The following DPP4 variants were observed in gnomAD, a reference collection of about 807,000 sequenced individuals.
DPP4 encodes the protein ADCP-2.
DPP4 carries 93 observed loss-of-function variants against 122.4 expected under a neutral mutation model. The ratio of observed to expected loss-of-function variants is 0.76; its 90% confidence interval spans 0.64 to 0.90. The LOEUF (loss-of-function observed/expected upper bound fraction) is 0.90. Among genes scored for constraint, DPP4 ranks in the 40% least tolerant of loss-of-function variants. DPP4 has a pLI of 0.00. For synonymous variants in DPP4, 321 were observed against 302.9 expected (o/e 1.06, Z -0.62); for missense variants, 914 against 907.3 (o/e 1.01, Z -0.09).
At chr2:161,995,394 T>A (rs200048173) in intron 23 of DPP4, 22 bp from the exon 24 acceptor site, 3 of 1,600,806 alleles carry the variant, frequency 1.9e-6, no homozygotes, top group African/African-American at 1.3e-5. Context: ...AGAAAGAATG[T>A]CATTATTCAA....
At position 162,060,253 on chromosome 2, in the gene DPP4, G is replaced by A. The variant is rs1047909450; in HGVS notation, c.95-12752C>T. Among the ~76,000 whole-genome samples the A allele has an allele frequency of 3.9e-5, 6 of 152,290 alleles. No homozygotes were observed. The South Asian group carries it at 1.2e-3, about 32-fold the overall frequency. ...TGCAACTATTTTAAATAAGCAGGTTGGTAGTATCCTTAGGACTTGGGTCAG... is the reference window on the plus strand; with the variant it reads ...TGCAACTATTTTAAATAAGCAGGTTAGTAGTATCCTTAGGACTTGGGTCAG... On this transcript the variant is annotated intron_variant, in intron 2 of 25. Transcript: ENST00000360534.
intron 5 of DPP4, among the ~76,000 whole-genome samples, chr2:162,042,837 T>C (rs1684034341): frequency 6.6e-6 from 1 of 152,034 alleles, no homozygotes; most frequent in African/African-American, 2.4e-5. Flanking sequence ...AAGAAATCAA[T>C]GACAAAATAT....
chr2:162,073,298 G>T lies in DPP4; in HGVS notation c.94+101C>A. On this transcript the variant is annotated intron_variant, in intron 2 of 25. Transcript: ENST00000360534. ...CTTCTCAGCTACACTTCGGGGCACTGGTCCAACCCCACGCAAAATCCCTCG... is the reference window on the plus strand; with the variant it reads ...CTTCTCAGCTACACTTCGGGGCACTTGTCCAACCCCACGCAAAATCCCTCG... The T allele has an allele frequency of 5.8e-6, 7 of 1,214,140 alleles. No individual in the cohort carries two copies. The South Asian group carries it at 8.8e-5, about 15-fold the overall frequency. The allele number at this position is 1,214,140 out of a possible 1,614,324, so 75.2% of individuals were successfully genotyped here.
chr2:162,051,024 C>A (rs1176090500), intron 2 of DPP4, among the ~76,000 whole-genome samples: 1 of 152,166 alleles, frequency 6.6e-6, no homozygotes, highest in African/African-American at 2.4e-5. Context: ...TGTTACCCAT[C>A]AGCTTATACA....
intron 5 of DPP4, among the ~76,000 whole-genome samples, chr2:162,040,062 A>T (rs1447224245): frequency 6.6e-6 from 1 of 152,088 alleles, no homozygotes; most frequent in Non-Finnish European, 1.5e-5. Context: ...AGAGAAAAGC[A>T]AAAAATTTCT....
chr2:162,048,509 A>T (rs779593098), intron 2 of DPP4, among the ~76,000 whole-genome samples: 6 of 152,110 alleles, frequency 3.9e-5, no homozygotes, highest in Non-Finnish European at 1.5e-5. Flanking sequence ...ACAGCCCTCC[A>T]CGACCGACAC....
At chr2:162,020,713 A>G (rs1683094565) in intron 12 of DPP4, 25 bp from the exon 13 acceptor site, 1 of 1,553,038 alleles carries the variant, frequency 6.4e-7, no homozygotes. Context: ...AGAACAAAAG[A>G]ACATTAAAGC....
At chr2:162,054,657 CT>C (rs1211751629) in intron 2 of DPP4, among the ~76,000 whole-genome samples, 1 of 152,138 alleles carries the variant, frequency 6.6e-6, no homozygotes, top group Non-Finnish European at 1.5e-5. Context: ...TCTTTCTACT[CT>C]TCTGCCGTGT....
chr2:162,038,898 T>A, intron 7 of DPP4, 51 bp downstream of exon 7: 1 of 1,528,160 alleles, frequency 6.5e-7, no homozygotes, highest in Non-Finnish European at 9.1e-7. Context: ...AACTTCTGCC[T>A]ATGAAAAATT....
At chr2:161,995,189 C>T in intron 24 of DPP4, 111 bp downstream of exon 24, 2 of 1,324,626 alleles carry the variant, frequency 1.5e-6, no homozygotes, top group East Asian at 2.3e-5. Flanking sequence ...GAAAGCAACA[C>T]TGTTTTATTG....
At chr2:162,001,456 T>G (rs1290369556) in intron 23 of DPP4, among the ~76,000 whole-genome samples, 2 of 152,252 alleles carry the variant, frequency 1.3e-5, no homozygotes, top group African/African-American at 2.4e-5. Flanking sequence ...TTTTCACACA[T>G]ATTGGATACT....
chr2:162,009,433 T>A (rs1701363594), intron 20 of DPP4, 138 bp from the exon 21 acceptor site: 1 of 684,436 alleles, frequency 1.5e-6, no homozygotes. Context: ...AGTAATCAAA[T>A]AAACACCTGA....
At chr2:162,073,522 A>T in intron 1 of DPP4, 36 bp from the exon 2 acceptor site, 1 of 1,602,836 alleles carries the variant, frequency 6.2e-7, no homozygotes, top group South Asian at 1.1e-5. Flanking sequence ...ATTAGAGGGA[A>T]GCGTGTGGCC....
chr2:162,044,449 CGTTGGTGTGTGAGT>C (rs1401343257), intron 5 of DPP4, among the ~76,000 whole-genome samples: 7 of 144,454 alleles, frequency 4.8e-5, no homozygotes, highest in Middle Eastern at 3.5e-3. Context: ...GGTGTGTGAG[CGTTGGTGTGTGAGT>C]GTTGGTGTGT....
rs749354206 is a variant in DPP4, at chr2:162,054,112, T to C, written c.95-6611A>G. Among the ~76,000 whole-genome samples the C allele has an allele frequency of 4.6e-5, 7 of 152,316 alleles. No individual in the cohort carries two copies. The South Asian group carries it at 6.2e-4, about 14-fold the overall frequency. On this transcript the variant is annotated intron_variant, in intron 2 of 25. Coordinates refer to ENST00000360534, the MANE Select transcript of DPP4 (RefSeq NM_001935.4). The stretch of plus-strand genomic sequence containing the variant: ...GAAACATGGGACATGGAGTCAAAGA[T>C]TATTTTTAAACCTCAAGATGTAATG...
At chr2:162,032,427 C>G (rs1280687525) in intron 10 of DPP4, among the ~76,000 whole-genome samples, 1 of 144,966 alleles carries the variant, frequency 6.9e-6, no homozygotes, top group Admixed American at 6.7e-5. Context: ...GTGGCTCTCG[C>G]CTGTAATCCC....
intron 5 of DPP4, among the ~76,000 whole-genome samples, chr2:162,043,173 C>T (rs931159724): frequency 2.6e-5 from 4 of 152,110 alleles, no homozygotes; most frequent in African/African-American, 7.2e-5. Context: ...CACAGATATC[C>T]GTGTTTTTTC....
rs573854852 is a variant in DPP4 at position 162,069,707 on chromosome 2, T to C, written c.94+3692A>G. 3.3e-5 allele frequency among the ~76,000 whole-genome samples: 5 copies of C among 152,294 alleles called. No individual in the cohort carries two copies. In the South Asian group the frequency reaches 1.0e-3, roughly 32 times the overall value. On this transcript the variant is annotated intron_variant, in intron 2 of 25. Coordinates refer to ENST00000360534, the MANE Select transcript of DPP4 (RefSeq NM_001935.4). ...TCCCCTGAAACATACAAAGCTTTCA[T>C]TCAGGCGCATTTCTGTGCTTTAAAC...
chr2:162,010,627 T>C (rs139358645), intron 20 of DPP4, among the ~76,000 whole-genome samples: 182 of 152,324 alleles, frequency 1.2e-3, no homozygotes, highest in African/African-American at 4.2e-3. Context: ...CTGGAAACTA[T>C]GCCCTCTCTC....
Sources: gnomAD v4.1 joint callset for allele counts (sites outside exome capture counted in the v4.1 genomes callset) on GRCh38, gnomAD v4.1.1 for gene constraint, MANE v1.5 for transcripts, NCBI Gene and HGNC (gene_info 2026-07-23, HGNC 2026-07-21) for gene names.